NCS1: variants seen among roughly 807,000 people sequenced by gnomAD.
NCS1 encodes neuronal calcium sensor 1, also known as frequenin homolog.
Under a neutral mutation model 28.4 loss-of-function variants are expected in NCS1, and 6 were observed. The observed-to-expected ratio is 0.21, with a 90% confidence interval of 0.12 to 0.42. The LOEUF is 0.42. NCS1 is among the 10% of genes least tolerant of loss of function. The probability of loss-of-function intolerance (pLI) is 1.00; values close to 1 mark genes in which losing one functional copy is unlikely to be tolerated. For missense variants in NCS1, 131 were observed against 241.4 expected, an observed-to-expected ratio of 0.54 and a Z score of 3.03; for synonymous variants, 86 against 99.3, an observed-to-expected ratio of 0.87 and a Z score of 0.79.
At chr9:130,220,697 C>T (rs1833267462) in intron 4 of NCS1, among the ~76,000 whole-genome samples, 1 of 151,716 alleles carries the variant, frequency 6.6e-6, no homozygotes, top group East Asian at 1.9e-4. Context: ...GACTTTCACA[C>T]TTCAGTCCAT....
At chr9:130,173,895 G>A (rs1588104945) in intron 1 of NCS1, among the ~76,000 whole-genome samples, 1 of 152,314 alleles carries the variant, frequency 6.6e-6, no homozygotes, top group East Asian at 1.9e-4. Context: ...CCACGCTTCA[G>A]CTCCATGCCC....
chr9:130,228,048 C>T (rs533939584), intron 7 of NCS1, among the ~76,000 whole-genome samples: 12 of 152,254 alleles, frequency 7.9e-5, no homozygotes, highest in Non-Finnish European at 1.5e-4. Context: ...TAGACACCTG[C>T]ACAGGGCTGC....
At chr9:130,229,548 TG>T (rs1228534397) in intron 7 of NCS1, among the ~76,000 whole-genome samples, 1 of 152,208 alleles carries the variant, frequency 6.6e-6, no homozygotes, top group African/African-American at 2.4e-5. Flanking sequence ...CCATCGCGCC[TG>T]GCCAATATTT....
In NCS1 at chr9:130,192,718, C is replaced by A. The variant is rs181940047; in HGVS notation, c.65-8240C>A. 8.3e-4 allele frequency among the ~76,000 whole-genome samples: 126 copies of A among 152,216 alleles called. 1 individual carries two copies. The highest frequency in any genetic ancestry group is 2.8e-3 in the African/African-American group (118 of 41,538). On this transcript the variant is annotated intron_variant, in intron 1 of 7. Coordinates refer to ENST00000372398, the MANE Select transcript of NCS1 (RefSeq NM_014286.4). This position sits in a 1 kb window ranked among gnomAD's most constrained non-coding sequence, Gnocchi z 4.8. ...TGCCGTGTGACTCCAGGGAGGTTCT[C>A]CCCCAGGAGCCGGTGCTGCAGTGAG...
chr9:130,210,818 T>A (rs986514039), intron 2 of NCS1, among the ~76,000 whole-genome samples: 2 of 151,586 alleles, frequency 1.3e-5, no homozygotes, highest in African/African-American at 2.4e-5. Flanking sequence ...AGAAAAAAAA[T>A]TCAACACCTT....
rs868973199 is a variant in NCS1 at position 130,180,978 on chromosome 9, G to A, written c.64+8251G>A. ...CAGGCTGGCTTTTAGGCTCCTGTGC[G>A]CCCAGGGGCTCAGAGGATGGACAGC... On this transcript the variant is annotated intron_variant, in intron 1 of 7. Coordinates refer to ENST00000372398, the MANE Select transcript of NCS1 (RefSeq NM_014286.4). The surrounding 1 kb of genome is among the most constrained non-coding windows in gnomAD (Gnocchi z 4.5). Among the ~76,000 whole-genome samples the A allele has an allele frequency of 3.3e-5, 5 of 152,162 alleles. No homozygotes were observed. The highest frequency in any genetic ancestry group is 1.3e-4 in the Admixed American group (2 of 15,274).
rs781852561 is a variant in NCS1, at chr9:130,222,661, C to T, written c.319C>T (p.Leu107Phe). ...CTGCTTGCTTACAGGGGCCTTCAAG[C>T]TCTACGACTTGGACAATGATGGCTA... ...LDEKLRWAFKLYDLDNDGYIT... is the reference protein window; with the variant it reads ...LDEKLRWAFKFYDLDNDGYIT... Residue 107 changes from leucine to phenylalanine, a missense_variant, in exon 5 of 8, where the codon CTC becomes TTC. Leu to Phe is a conservative substitution (Grantham distance 22). Transcript: ENST00000372398. 2 of 1,614,024 alleles carry T rather than the reference C, an allele frequency of 1.2e-6. No homozygotes were observed. The highest frequency in any genetic ancestry group is 1.7e-6 in the Non-Finnish European group (2 of 1,179,976).
rs548452853 is a variant in NCS1 at position 130,215,940 on chromosome 9, C to A, written c.90-1892C>A. Among the ~76,000 whole-genome samples, 1 of 152,118 alleles carries A rather than the reference C, an allele frequency of 6.6e-6. No homozygotes were observed. Among genetic ancestry groups the A allele is most frequent in the African/African-American group, 2.4e-5 (1 of 41,422 alleles). On this transcript the variant is annotated intron_variant, in intron 2 of 7. Transcript: ENST00000372398. This position sits in a 1 kb window ranked among gnomAD's most constrained non-coding sequence, Gnocchi z 4.2. ...CTGCTCCCTCTTCTCTGCCCTCCCC[C>A]ATCCTCCTCCTCCCCTCAACCGCCC...
chr9:130,173,675 T>C (rs1832522623), intron 1 of NCS1, among the ~76,000 whole-genome samples: 1 of 152,168 alleles, frequency 6.6e-6, no homozygotes, highest in Admixed American at 6.6e-5. Flanking sequence ...ACAGTGGTTC[T>C]GGGCTTGGGT....
rs925422070 is a variant in NCS1, at chr9:130,174,743, G to A, written c.64+2016G>A. On this transcript the variant is annotated intron_variant, in intron 1 of 7. Coordinates refer to ENST00000372398, the MANE Select transcript of NCS1 (RefSeq NM_014286.4). ...GGAGAATCGCTTGAACCTGGGAGGC[G>A]GAGGTTGCGGTGAGGTGAGATTGCT... Among the ~76,000 whole-genome samples the A allele has an allele frequency of 1.2e-4, 18 of 149,384 alleles. No homozygotes were observed. The South Asian group carries it at 1.3e-3, about 10-fold the overall frequency.
At chr9:130,227,670 GT>G (rs1212118714) in intron 7 of NCS1, among the ~76,000 whole-genome samples, 1 of 152,192 alleles carries the variant, frequency 6.6e-6, no homozygotes, top group African/African-American at 2.4e-5. Context: ...TGAATGCCTT[GT>G]TATAAGTGTA....
At chr9:130,200,186 AG>A (rs1254405070) in intron 1 of NCS1, among the ~76,000 whole-genome samples, 2 of 152,224 alleles carry the variant, frequency 1.3e-5, no homozygotes, top group Admixed American at 1.3e-4. Context: ...GCGCTCACAC[AG>A]GCAGGGAGCA....
In NCS1 at chr9:130,186,504, G is replaced by A. The variant is rs572654033; in HGVS notation, c.64+13777G>A. 1.7e-4 allele frequency among the ~76,000 whole-genome samples: 26 copies of A among 152,276 alleles called. No individual in the cohort carries two copies. The highest frequency in any genetic ancestry group is 6.2e-4 in the South Asian group (3 of 4,824). On this transcript the variant is annotated intron_variant, in intron 1 of 7. Coordinates refer to ENST00000372398, the MANE Select transcript of NCS1 (RefSeq NM_014286.4). This position sits in a 1 kb window ranked among gnomAD's most constrained non-coding sequence, Gnocchi z 4.1. ...TGCTTGAGGGAGATGAGAAGTTTGCGGGGAGGGTTTGTGTGGGGGACGATG... is the reference window on the plus strand; with the variant it reads ...TGCTTGAGGGAGATGAGAAGTTTGCAGGGAGGGTTTGTGTGGGGGACGATG...
At chr9:130,203,046 A>G (rs1486194669) in intron 2 of NCS1, among the ~76,000 whole-genome samples, 3 of 142,622 alleles carry the variant, frequency 2.1e-5, no homozygotes, top group South Asian at 2.2e-4. Flanking sequence ...CAGGGTAAAT[A>G]TGTGTGTGTG....
chr9:130,227,526 T>G (rs1554911573), intron 7 of NCS1, among the ~76,000 whole-genome samples: 1 of 152,236 alleles, frequency 6.6e-6, no homozygotes. Flanking sequence ...TAGTAGTGTA[T>G]GAGAGTTCCA....
intron 2 of NCS1, among the ~76,000 whole-genome samples, chr9:130,201,409 G>A (rs1182520894): frequency 1.3e-5 from 2 of 152,192 alleles, no homozygotes; most frequent in Non-Finnish European, 2.9e-5. Flanking sequence ...GCTCTTGGAT[G>A]CCAGCTCTAT....
chr9:130,176,138 TTTTCTTTCTTTCTTTCTTTCTTTCTTTC>T lies in NCS1; in HGVS notation c.64+3443_64+3470del, dbSNP rs71387327. 2.9e-3 allele frequency among the ~76,000 whole-genome samples: 299 copies of T among 102,262 alleles called. 20 individuals carry two copies. Among genetic ancestry groups the T allele is most frequent in the African/African-American group, 0.011 (270 of 25,652 alleles). The allele number at this position is 102,262 out of a possible 152,430, so 67.1% of individuals were successfully genotyped here. ...ATCGTAATTAATGCTTATTTGTTCA[TTTTCTTTCTTTCTTTCTTTCTTTCTTTC>T]TTTCTTTCTTTCTTTCTTTCTTTCT... On this transcript the variant is annotated intron_variant, in intron 1 of 7. Coordinates refer to ENST00000372398, the MANE Select transcript of NCS1 (RefSeq NM_014286.4).
chr9:130,191,144 G>A lies in NCS1; in HGVS notation c.65-9814G>A, dbSNP rs371971618. 6.6e-6 allele frequency among the ~76,000 whole-genome samples: 1 copy of A among 152,320 alleles called. No homozygotes were observed. Among genetic ancestry groups the A allele is most frequent in the East Asian group, 1.9e-4 (1 of 5,184 alleles). ...TTGGCCCCTGACAGCGGGGCAGGGA[G>A]CACGCTGACCCAGGCCACGTGGCGA... On this transcript the variant is annotated intron_variant, in intron 1 of 7. Transcript: ENST00000372398. The surrounding 1 kb of genome is among the most constrained non-coding windows in gnomAD (Gnocchi z 6.4).
chr9:130,210,513 G>C (rs2131143901), intron 2 of NCS1, among the ~76,000 whole-genome samples: 1 of 152,300 alleles, frequency 6.6e-6, no homozygotes, highest in Middle Eastern at 3.4e-3. Context: ...GAGGTAACGG[G>C]GGTTGGGCTG....
Sources: allele counts gnomAD v4.1 joint callset (sites outside exome capture counted in the v4.1 genomes callset), GRCh38; gene constraint gnomAD v4.1.1; non-coding constraint Gnocchi (gnomAD v3.1); transcripts MANE v1.5; gene names NCBI Gene and HGNC (gene_info 2026-07-23, HGNC 2026-07-21).